The following CAMK2G variants were observed in gnomAD, a reference collection of about 807,000 sequenced individuals.
CAMK2G encodes the protein calcium/calmodulin dependent protein kinase II gamma.
CAMK2G carries 23 observed loss-of-function variants against 88.7 expected under a neutral mutation model. The ratio of observed to expected loss-of-function variants is 0.26; its 90% CI spans 0.19 to 0.37. The LOEUF (loss-of-function observed/expected upper bound fraction) is 0.37. CAMK2G is among the 10% of genes least tolerant of loss of function. CAMK2G has a pLI of 1.00. For synonymous variants in CAMK2G, 263 were observed against 294.8 expected (o/e 0.89, Z 1.11); for missense variants, 476 against 780.8 (o/e 0.61, Z 4.65).
rs1412682082 is a variant in CAMK2G at position 73,848,966 on chromosome 10, G to C, written c.517+47C>G. 8.5e-7 allele frequency: 1 copy of C among 1,173,336 alleles called. No individual in the cohort carries two copies. 72.7% of individuals were successfully genotyped at this position (1,173,336 alleles called of 1,614,324 possible). On this transcript the variant is annotated intron_variant, in intron 7 of 22. Transcript: ENST00000423381. This position sits in a 1 kb window ranked among gnomAD's most constrained non-coding sequence, Gnocchi z 4.5. Reference sequence around the variant, plus strand: ...AATAGAGGAAGGCAGATCAGGAAGAGGAGGAAGGGCGGGGGCTGCATTCCG... The same window carrying C: ...AATAGAGGAAGGCAGATCAGGAAGACGAGGAAGGGCGGGGGCTGCATTCCG...
At chr10:73,831,063 T>C (rs1424450745) in intron 14 of CAMK2G, among the ~76,000 whole-genome samples, 1 of 152,214 alleles carries the variant, frequency 6.6e-6, no homozygotes, top group Non-Finnish European at 1.5e-5. Context: ...AAGGTCGAAC[T>C]CTGCACATCT....
chr10:73,859,988 C>G lies in CAMK2G; in HGVS notation c.220+842G>C, dbSNP rs540630535. On this transcript the variant is annotated intron_variant, in intron 3 of 22. Transcript: ENST00000423381. ...TAGGCCATGCCTGAGGAGCACAGAA[C>G]ACGTGTTGTCTTTTGTGATGACTCA... 1.5e-4 allele frequency among the ~76,000 whole-genome samples: 23 copies of G among 152,344 alleles called. No homozygotes were observed. The East Asian group carries it at 4.4e-3, about 29-fold the overall frequency.
chr10:73,852,008 A>G (rs2135099996), intron 5 of CAMK2G, among the ~76,000 whole-genome samples: 1 of 152,280 alleles, frequency 6.6e-6, no homozygotes, highest in Middle Eastern at 3.4e-3. Context: ...CAGCCTCCCA[A>G]AGTGCTGGGA....
intron 16 of CAMK2G, among the ~76,000 whole-genome samples, 189 bp downstream of exon 16, chr10:73,825,090 G>A (rs1486957485): frequency 2.0e-5 from 3 of 152,214 alleles, no homozygotes; most frequent in Admixed American, 6.5e-5. Context: ...TCTGCCATGC[G>A]GGATGGAGCG....
At chr10:73,865,488 G>A (rs879836119) in intron 2 of CAMK2G, among the ~76,000 whole-genome samples, 2 of 152,194 alleles carry the variant, frequency 1.3e-5, no homozygotes, top group African/African-American at 4.8e-5. Context: ...CTCTCCAGCT[G>A]TTGTCTCCTG....
At chr10:73,868,336 A>G (rs1164837107) in intron 2 of CAMK2G, among the ~76,000 whole-genome samples, 1 of 152,148 alleles carries the variant, frequency 6.6e-6, no homozygotes, top group East Asian at 1.9e-4. Context: ...CCACACCATG[A>G]TGCAGCACCC....
At position 73,849,299 on chromosome 10, in the gene CAMK2G, G is replaced by A; in HGVS notation, c.376C>T (p.His126Tyr). 1 of 1,613,660 alleles carries A rather than the reference G, an allele frequency of 6.2e-7. No individual in the cohort carries two copies. Among genetic ancestry groups the A allele is most frequent in the Non-Finnish European group, 8.5e-7 (1 of 1,179,658 alleles). ...CIHQILESVN[H>Y]IHQHDIVHRD... ...TGGACGATGTCATGCTGGTGGATGT[G>A]GTTAACACTCTCCAGAATCTGATGT... The change falls in exon 6 of 23, where the codon CAC (histidine) becomes TAC (tyrosine). Residue 126 changes from histidine to tyrosine, a missense_variant. Transcript: ENST00000423381.
Position 73,817,584 on chromosome 10 carries a change from C to G in CAMK2G, c.1364-30G>C, listed in dbSNP as rs781326414. On this transcript the variant is annotated intron_variant, in intron 19 of 22. Transcript: ENST00000423381. ...GGGGGAGAAAAATCCATCAATTTAC[C>G]TACTGGGGAACCTCCCAAGTTACAG... The G allele has an allele frequency of 2.2e-5, 33 of 1,511,632 alleles. No homozygotes were observed. The Middle Eastern group carries it at 1.4e-3, about 62-fold the overall frequency. The allele number at this position is 1,511,632 out of a possible 1,614,324, so 93.6% of individuals were successfully genotyped here. A position where few individuals can be genotyped will look rare whatever the true frequency, so the allele number is the denominator to read the frequency against.
intron 15 of CAMK2G, among the ~76,000 whole-genome samples, chr10:73,826,949 G>A (rs565526546): frequency 6.6e-6 from 1 of 152,176 alleles, no homozygotes; most frequent in South Asian, 2.1e-4. Flanking sequence ...GAGAAGAGGG[G>A]GCCCAGGAGT....
chr10:73,837,218 C>A, intron 14 of CAMK2G: 1 of 512,910 alleles, frequency 1.9e-6, no homozygotes. Flanking sequence ...CCGGATTCAG[C>A]TCTGGTATAA....
In CAMK2G at chr10:73,849,402, TG is replaced by T; in HGVS notation, c.342-70del. ...CACCTCATCCACATCCACAACCACA[TG>T]CTGCAGACTAAGGCATGTGACAAGG... On this transcript the variant is annotated intron_variant, in intron 5 of 22. Coordinates refer to ENST00000423381, the MANE Select transcript of CAMK2G (RefSeq NM_001367534.1). 5.4e-6 allele frequency: 6 copies of T among 1,106,180 alleles called. No individual in the cohort carries two copies. The South Asian group carries it at 7.8e-5, about 14-fold the overall frequency. 68.5% of individuals were successfully genotyped at this position (1,106,180 alleles called of 1,614,324 possible). A position where few individuals can be genotyped will look rare whatever the true frequency, so the allele number is the denominator to read the frequency against.
chr10:73,830,714 T>C (rs2092298185), intron 14 of CAMK2G, among the ~76,000 whole-genome samples: 3 of 152,238 alleles, frequency 2.0e-5, no homozygotes, highest in Non-Finnish European at 4.4e-5. Context: ...TCAGTCATCC[T>C]CACAAGTGGC....
chr10:73,817,672 C>T (rs2086145638), intron 19 of CAMK2G, 118 bp from the exon 20 acceptor site: 1 of 720,002 alleles, frequency 1.4e-6, no homozygotes, highest in Non-Finnish European at 2.5e-6. Context: ...TCCCTCTTCT[C>T]TGTCTCTAGG....
At position 73,817,044 on chromosome 10, in the gene CAMK2G, G is replaced by A; in HGVS notation, c.1513C>T (p.His505Tyr). The A allele has an allele frequency of 1.9e-6, 3 of 1,614,072 alleles. No individual in the cohort carries two copies. Among genetic ancestry groups the A allele is most frequent in the Non-Finnish European group, 2.5e-6 (3 of 1,179,996 alleles). The change falls in exon 21 of 23, where the codon CAT (histidine) becomes TAT (tyrosine). Residue 505 changes from histidine (H) to tyrosine (Y), a missense_variant. This residue lies in a region of CAMK2G where 278 missense variants were observed against 366.5 expected (regional missense o/e 0.76). Coordinates refer to ENST00000423381, the MANE Select transcript of CAMK2G (RefSeq NM_001367534.1). ...TCACGATTCTCAAAGTAAAACTTAT[G>A]GAAATCCATCCCCTCCACGAGGTTA... ...LGNLVEGMDFHKFYFENLLSK... is the reference protein window; with the variant it reads ...LGNLVEGMDFYKFYFENLLSK...
intron 19 of CAMK2G, chr10:73,818,417 G>C (rs1589757523): frequency 3.2e-6 from 1 of 307,922 alleles, no homozygotes; most frequent in South Asian, 2.9e-5. Flanking sequence ...CTACCAGCAG[G>C]GGCTGCCACC....
chr10:73,868,903 C>G (rs2095696051), intron 2 of CAMK2G, among the ~76,000 whole-genome samples: 1 of 152,172 alleles, frequency 6.6e-6, no homozygotes, highest in Non-Finnish European at 1.5e-5. Flanking sequence ...GCCAACATGC[C>G]ACAACCCGAG....
At chr10:73,847,022 C>A in intron 10 of CAMK2G, 1 of 560,294 alleles carries the variant, frequency 1.8e-6, no homozygotes, top group Non-Finnish European at 3.2e-6. Flanking sequence ...GAGAGAGGAG[C>A]AGTGGCCCAC....
chr10:73,869,769 TTAAA>T (rs1207365079), intron 2 of CAMK2G, among the ~76,000 whole-genome samples: 1 of 152,218 alleles, frequency 6.6e-6, no homozygotes, highest in Non-Finnish European at 1.5e-5. Flanking sequence ...AATGTACAGA[TTAAA>T]TAAATATGTT....
At chr10:73,852,940 T>C (rs1170453640) in intron 4 of CAMK2G, 2 of 511,148 alleles carry the variant, frequency 3.9e-6, no homozygotes, top group Non-Finnish European at 3.5e-6. Context: ...CAAAGGCATC[T>C]GTGCAAGGCG....
Sources: allele counts gnomAD v4.1 joint callset (sites outside exome capture counted in the v4.1 genomes callset), GRCh38; gene constraint gnomAD v4.1.1; regional missense constraint gnomAD v4.1.1; non-coding constraint Gnocchi (gnomAD v3.1); transcripts MANE v1.5; gene names NCBI Gene and HGNC (gene_info 2026-07-23, HGNC 2026-07-21).